The following CCDC148 variants were observed in gnomAD, a reference collection of about 807,000 sequenced individuals.
CCDC148 encodes the protein coiled-coil domain-containing protein 148.
CCDC148 carries 89 observed loss-of-function variants against 85.7 expected under a neutral mutation model. The ratio of observed to expected loss-of-function variants is 1.04; its 90% CI spans 0.87 to 1.24. The LOEUF is 1.24. CCDC148 is among the 50% of genes most tolerant of loss of function. The pLI is 0.00. For synonymous variants in CCDC148, 230 were observed against 213.9 expected (o/e 1.08, Z -0.66); for missense variants, 692 against 671.7 (o/e 1.03, Z -0.33).
chr2:158,350,965 G>A (rs2105255941), intron 2 of CCDC148, among the ~76,000 whole-genome samples: 1 of 152,088 alleles, frequency 6.6e-6, no homozygotes, highest in African/African-American at 2.4e-5. Context: ...ACCCTACTGT[G>A]CAATAGAACA....
At chr2:158,348,087 G>A (rs1382940449) in intron 2 of CCDC148, among the ~76,000 whole-genome samples, 1 of 151,996 alleles carries the variant, frequency 6.6e-6, no homozygotes, top group Non-Finnish European at 1.5e-5. Flanking sequence ...GATTGCATAT[G>A]GATTTATCCT....
At chr2:158,425,536 T>C (rs544033865) in intron 1 of CCDC148, among the ~76,000 whole-genome samples, 2 of 152,360 alleles carry the variant, frequency 1.3e-5, no homozygotes, top group Admixed American at 1.3e-4. Context: ...ATACACATTT[T>C]ATTTGTATGA....
chr2:158,315,783 A>G (rs934560307), intron 7 of CCDC148, among the ~76,000 whole-genome samples: 1 of 152,034 alleles, frequency 6.6e-6, no homozygotes, highest in Non-Finnish European at 1.5e-5. Flanking sequence ...TCTTTAGAGA[A>G]GGCTACCCTC....
At position 158,281,719 on chromosome 2, in the gene CCDC148, T is replaced by A. The variant is rs185216478; in HGVS notation, c.1110+27714A>T. 4.4e-3 allele frequency among the ~76,000 whole-genome samples: 670 copies of A among 152,256 alleles called. 5 individuals are homozygous for A. The highest frequency in any genetic ancestry group is 0.015 in the African/African-American group (622 of 41,536). On this transcript the variant is annotated intron_variant, in intron 9 of 13. Transcript: ENST00000283233. ...AGGTGCAAGGAGGAACTGGTACCATTCCTTCTGAAACAATTCCAATCAATA... is the reference window on the plus strand; with the variant it reads ...AGGTGCAAGGAGGAACTGGTACCATACCTTCTGAAACAATTCCAATCAATA...
intron 9 of CCDC148, among the ~76,000 whole-genome samples, chr2:158,291,754 C>T (rs1353098120): frequency 6.6e-6 from 1 of 152,162 alleles, no homozygotes; most frequent in Non-Finnish European, 1.5e-5. Flanking sequence ...TTACTCATCT[C>T]CAAATGCCCA....
chr2:158,439,846 C>T (rs1161972287), intron 1 of CCDC148, among the ~76,000 whole-genome samples: 8 of 152,026 alleles, frequency 5.3e-5, no homozygotes, highest in African/African-American at 9.7e-5. Context: ...CACATTACAG[C>T]GGATAACATT....
chr2:158,337,838 C>T (rs1682464601), intron 7 of CCDC148, among the ~76,000 whole-genome samples: 2 of 152,098 alleles, frequency 1.3e-5, no homozygotes, highest in Non-Finnish European at 2.9e-5. Context: ...TTATTTCTTA[C>T]AATTAATAGT....
chr2:158,343,784 G>A lies in CCDC148; in HGVS notation c.251+1431C>T, dbSNP rs755644340. On this transcript the variant is annotated intron_variant, in intron 3 of 13. Coordinates refer to ENST00000283233, the MANE Select transcript of CCDC148 (RefSeq NM_138803.4). ...ATTGCTGTTAGCTTTTAGTTGCACC[G>A]AACACAAATTGCAATTAGCCTGCAT... Among the ~76,000 whole-genome samples the A allele has an allele frequency of 6.6e-5, 10 of 151,986 alleles. 1 individual carries two copies. The highest frequency in any genetic ancestry group is 2.1e-4 in the South Asian group (1 of 4,814).
intron 2 of CCDC148, among the ~76,000 whole-genome samples, chr2:158,349,879 A>C (rs1574666430): frequency 1.3e-5 from 2 of 152,260 alleles, no homozygotes; most frequent in South Asian, 4.1e-4. Context: ...TTAAAAGGAC[A>C]ATTCCTCATC....
intron 11 of CCDC148, among the ~76,000 whole-genome samples, chr2:158,219,465 G>T (rs1283872378): frequency 2.0e-5 from 3 of 152,128 alleles, no homozygotes; most frequent in Non-Finnish European, 4.4e-5. Flanking sequence ...CTGCTTGAAG[G>T]ACACTGTAGA....
intron 10 of CCDC148, among the ~76,000 whole-genome samples, chr2:158,231,193 T>C (rs1687840779): frequency 6.6e-6 from 1 of 152,190 alleles, no homozygotes; most frequent in African/African-American, 2.4e-5. Flanking sequence ...GATGAGGATG[T>C]GAACAGGAAA....
chr2:158,280,160 C>T (rs550625932), intron 9 of CCDC148, among the ~76,000 whole-genome samples: 11 of 152,274 alleles, frequency 7.2e-5, no homozygotes, highest in Non-Finnish European at 1.0e-4. Context: ...TGGTACCAGC[C>T]ACTGCAAAAT....
At chr2:158,192,620 G>A (rs1262188115) in intron 11 of CCDC148, among the ~76,000 whole-genome samples, 2 of 152,130 alleles carry the variant, frequency 1.3e-5, no homozygotes, top group East Asian at 3.9e-4. Context: ...AAGAAAAGCA[G>A]CAGCAGGAGA....
chr2:158,229,204 A>G (rs1687725917), intron 10 of CCDC148, among the ~76,000 whole-genome samples: 1 of 152,110 alleles, frequency 6.6e-6, no homozygotes, highest in African/African-American at 2.4e-5. Flanking sequence ...CCAACTGTGT[A>G]ATCTTGAATC....
chr2:158,214,147 CAA>C (rs1686729130), intron 11 of CCDC148, among the ~76,000 whole-genome samples: 5 of 119,012 alleles, frequency 4.2e-5, no homozygotes. Flanking sequence ...AAAAAAAAGA[CAA>C]AGATACATTC....
At chr2:158,266,470 T>A (rs1385291151) in intron 9 of CCDC148, among the ~76,000 whole-genome samples, 1 of 152,202 alleles carries the variant, frequency 6.6e-6, no homozygotes, top group Non-Finnish European at 1.5e-5. Context: ...TCTTTTTAAA[T>A]TTTTTAATTT....
At chr2:158,262,418 A>C (rs1323379579) in intron 9 of CCDC148, among the ~76,000 whole-genome samples, 3 of 152,028 alleles carry the variant, frequency 2.0e-5, no homozygotes, top group Non-Finnish European at 4.4e-5. Context: ...AGTTGGCTTA[A>C]TACCTGGGTG....
At chr2:158,373,890 C>G (rs1360495981) in intron 1 of CCDC148, among the ~76,000 whole-genome samples, 1 of 152,016 alleles carries the variant, frequency 6.6e-6, no homozygotes, top group East Asian at 1.9e-4. Context: ...TCCATGAAAA[C>G]AAGGCCTTTA....
At chr2:158,420,714 C>G (rs1049102450) in intron 1 of CCDC148, among the ~76,000 whole-genome samples, 1 of 152,120 alleles carries the variant, frequency 6.6e-6, no homozygotes, top group African/African-American at 2.4e-5. Context: ...ATCATAATGA[C>G]AGGATCAAAT....
Sources: allele counts gnomAD v4.1 joint callset (sites outside exome capture counted in the v4.1 genomes callset), GRCh38; gene constraint gnomAD v4.1.1; transcripts MANE v1.5; gene names NCBI Gene and HGNC (gene_info 2026-07-23, HGNC 2026-07-21).